Variants in STON2 observed in about 807,000 individuals in gnomAD.
STON2 encodes stonin 2.
A neutral mutation model predicts 65.7 loss-of-function variants in STON2; 29 were observed. The ratio of observed to expected loss-of-function variants is 0.44; its 90% confidence interval spans 0.33 to 0.60. The LOEUF (loss-of-function observed/expected upper bound fraction) is 0.60, where lower values mean the gene tolerates loss of function less well. STON2 is among the 20% of genes least tolerant of loss of function. The pLI is 0.03. For synonymous variants in STON2, 404 were observed against 414.2 expected, an observed-to-expected ratio of 0.98 and a Z score of 0.30; for missense variants, 1,054 against 1,118.1, an observed-to-expected ratio of 0.94 and a Z score of 0.82.
intron 2 of STON2, chr14:81,418,146 G>C (rs977889297): frequency 1.3e-5 from 2 of 153,124 alleles, no homozygotes; most frequent in Admixed American, 6.5e-5. Flanking sequence ...AAAAGAAAAA[G>C]GTTTAACTGG....
intron 5 of STON2, among the ~76,000 whole-genome samples, chr14:81,280,767 T>C (rs994346871): frequency 1.3e-5 from 2 of 152,064 alleles, no homozygotes; most frequent in African/African-American, 4.8e-5. Flanking sequence ...TCGCAGCACT[T>C]TGGGAGGCCG....
chr14:81,381,446 A>C (rs1899509417), intron 3 of STON2, among the ~76,000 whole-genome samples: 1 of 152,236 alleles, frequency 6.6e-6, no homozygotes, highest in Non-Finnish European at 1.5e-5. Flanking sequence ...TGAATGCACC[A>C]GGAACTCCCA....
At chr14:81,391,341 T>C (rs1900067732) in intron 3 of STON2, among the ~76,000 whole-genome samples, 1 of 152,254 alleles carries the variant, frequency 6.6e-6, no homozygotes, top group African/African-American at 2.4e-5. Context: ...AGCACATGCA[T>C]TCAAACATTT....
Position 81,262,792 on chromosome 14 carries a change from C to T in STON2, c.*5622G>A. 1 of 985,366 alleles carries T rather than the reference C, an allele frequency of 1.0e-6. No individual in the cohort carries two copies. 61.0% of individuals were successfully genotyped at this position (985,366 alleles called of 1,614,324 possible). On this transcript the variant is annotated 3_prime_UTR_variant, in exon 8 of 8. Transcript: ENST00000614646. ...AATGTAAAAATCTCACATTCTTGTTCTAGTTAATACATGGGAGAATATTAC... is the reference window on the plus strand; with the variant it reads ...AATGTAAAAATCTCACATTCTTGTTTTAGTTAATACATGGGAGAATATTAC...
intron 2 of STON2, among the ~76,000 whole-genome samples, chr14:81,397,060 AAACAAC>A (rs1252660566): frequency 2.6e-5 from 4 of 152,184 alleles, no homozygotes; most frequent in African/African-American, 4.8e-5. Context: ...CTCCGTCTCA[AAACAAC>A]AACAACAACA....
chr14:81,288,058 T>G (rs1595297411), intron 5 of STON2, among the ~76,000 whole-genome samples: 1 of 152,250 alleles, frequency 6.6e-6, no homozygotes. Flanking sequence ...ATCAGTATTC[T>G]GCTTTATAAA....
In STON2 at chr14:81,263,936, A is replaced by G. The variant is rs148728781; in HGVS notation, c.*4478T>C. On this transcript the variant is annotated 3_prime_UTR_variant, in exon 8 of 8. Coordinates refer to ENST00000614646, the MANE Select transcript of STON2 (RefSeq NM_001394390.1). ...ACTTTATCTCACAAATTTTGACCTT[A>G]CTATCTCAGACCTCCATCTTACTGT... The G allele has an allele frequency of 8.2e-3, 8,111 of 985,428 alleles. 33 individuals carry two copies. The highest frequency in any genetic ancestry group is 9.0e-3 in the Non-Finnish European group (7,468 of 829,932). The allele number at this position is 985,428 out of a possible 1,614,324, so 61.0% of individuals were successfully genotyped here.
At chr14:81,388,805 C>T (rs1435277848) in intron 3 of STON2, among the ~76,000 whole-genome samples, 1 of 152,160 alleles carries the variant, frequency 6.6e-6, no homozygotes, top group Non-Finnish European at 1.5e-5. Flanking sequence ...CCCGGATAAC[C>T]TCGCTACTTC....
At position 81,277,491 on chromosome 14, in the gene STON2, C is replaced by T; in HGVS notation, c.1991G>A (p.Gly664Glu). The T allele has an allele frequency of 6.2e-7, 1 of 1,614,108 alleles. No individual in the cohort carries two copies. The highest frequency in any genetic ancestry group is 1.1e-5 in the South Asian group (1 of 91,064). The change falls in exon 6 of 8, where the codon GGG (glycine) becomes GAG (glutamate). Residue 664 changes from glycine to glutamate, a missense_variant. Transcript: ENST00000614646. The stretch of plus-strand genomic sequence containing the variant: ...GAGGCCCAGGCGGCACTCTGCGAGC[C>T]CAGACAGGAAACTCAGGATGTGGAT... ...TRIHILSFLS[G>E]LAECRLGLND...
intron 1 of STON2, among the ~76,000 whole-genome samples, chr14:81,400,017 C>A (rs1048632124): frequency 6.6e-5 from 10 of 152,296 alleles, no homozygotes; most frequent in Admixed American, 6.5e-4. Flanking sequence ...GGTGTCACAG[C>A]CGCAAAGAAG....
Position 81,268,464 on chromosome 14 carries a change from C to A in STON2, c.2818G>T (p.Asp940Tyr). The change falls in exon 8 of 8, where the codon GAC becomes TAC. Residue 940 changes from aspartate (D) to tyrosine (Y), a missense_variant. Physicochemically the swap from Asp to Tyr is radical, Grantham distance 160 (BLOSUM62 -3). Coordinates refer to ENST00000614646, the MANE Select transcript of STON2 (RefSeq NM_001394390.1). ...TTTTCCATTTCATCTCCTTCAAAGT[C>A]CGGCTTCAAACTCTTTTTTTGCTCA... ...EIEQKKSLKP[D>Y]FEGDEMENPK... 7.8e-7 allele frequency: 1 copy of A among 1,289,622 alleles called. No individual in the cohort carries two copies. The allele number at this position is 1,289,622 out of a possible 1,614,324, so 79.9% of individuals were successfully genotyped here.
chr14:81,343,424 C>G (rs1897691418), intron 4 of STON2, among the ~76,000 whole-genome samples: 1 of 152,118 alleles, frequency 6.6e-6, no homozygotes, highest in African/African-American at 2.4e-5. Flanking sequence ...GGCAGCATCT[C>G]CCTTCTCCCA....
At chr14:81,285,033 C>A (rs1895280934) in intron 5 of STON2, among the ~76,000 whole-genome samples, 2 of 152,182 alleles carry the variant, frequency 1.3e-5, no homozygotes, top group African/African-American at 2.4e-5. Context: ...TACGCACTGA[C>A]AATGCACCTG....
At chr14:81,434,731 A>C (rs1003566714) in intron 1 of STON2, among the ~76,000 whole-genome samples, 1 of 152,200 alleles carries the variant, frequency 6.6e-6, no homozygotes, top group Non-Finnish European at 1.5e-5. Context: ...TCAGAACTCC[A>C]AGCAGGTCCG....
At chr14:81,311,704 A>C (rs1468668560) in intron 5 of STON2, among the ~76,000 whole-genome samples, 1 of 152,222 alleles carries the variant, frequency 6.6e-6, no homozygotes, top group African/African-American at 2.4e-5. Flanking sequence ...TTGCTTTAGA[A>C]ATAATTCTGT....
intron 2 of STON2, among the ~76,000 whole-genome samples, chr14:81,420,773 C>A (rs537650172): frequency 1.3e-5 from 2 of 152,282 alleles, no homozygotes; most frequent in African/African-American, 4.8e-5. Context: ...CATGACAATA[C>A]AAAATGGTCA....
chr14:81,436,409 C>A (rs1417945707), exon 1 of STON2: 1 of 151,632 alleles, frequency 6.6e-6, no homozygotes, highest in Non-Finnish European at 1.5e-5. Context: ...CCCACCCGGC[C>A]GCACTGCTCT....
upstream of STON2, among the ~76,000 whole-genome samples, chr14:81,400,796 T>G (rs537800698): frequency 4.9e-4 from 74 of 152,270 alleles, no homozygotes; most frequent in African/African-American, 1.7e-3. Context: ...TCCTATACAG[T>G]CTTGGAGTCC....
At chr14:81,361,270 AAACT>A (rs1260763354) in intron 4 of STON2, among the ~76,000 whole-genome samples, 1 of 152,162 alleles carries the variant, frequency 6.6e-6, no homozygotes, top group African/African-American at 2.4e-5. Flanking sequence ...AAGGATATAG[AAACT>A]AAAAGAGCAT....
Sources: gnomAD v4.1 joint callset for allele counts (sites outside exome capture counted in the v4.1 genomes callset) on GRCh38, gnomAD v4.1.1 for gene constraint, MANE v1.5 for transcripts, NCBI Gene and HGNC (gene_info 2026-07-23, HGNC 2026-07-21) for gene names.